Variants in PUM1 observed in about 807,000 individuals in gnomAD.
The protein encoded by PUM1 is pumilio homolog 1.
Under a neutral mutation model 131.8 loss-of-function variants are expected in PUM1, and 13 were observed. That is an observed-to-expected ratio of 0.10 (90% CI 0.06 to 0.16). The LOEUF (loss-of-function observed/expected upper bound fraction) is 0.16. PUM1 is among the 10% of genes least tolerant of loss of function. PUM1 has a pLI of 1.00. For synonymous variants in PUM1, 509 were observed against 556.5 expected (o/e 0.91, Z 1.20); for missense variants, 961 against 1,512.4 (o/e 0.64, Z 6.05).
At chr1:31,052,656 T>C (rs1485734956) in intron 2 of PUM1, among the ~76,000 whole-genome samples, 2 of 151,444 alleles carry the variant, frequency 1.3e-5, no homozygotes, top group African/African-American at 2.4e-5. Flanking sequence ...CAGGAGCCAA[T>C]GTACCCAGCT....
chr1:30,982,781 C>T (rs1255053565), intron 7 of PUM1, among the ~76,000 whole-genome samples: 1 of 152,106 alleles, frequency 6.6e-6, no homozygotes, highest in African/African-American at 2.4e-5. Flanking sequence ...AAACATGAGG[C>T]TAATTTTAGA....
In PUM1 at chr1:30,932,004, C is replaced by T. The variant is rs1295461406; in HGVS notation, c.*1207G>A. The stretch of plus-strand genomic sequence containing the variant: ...ACTTGAGACTAGATGACAAATAAAA[C>T]CAAGCTATTTTTTTCTTTTTAAACA... On this transcript the variant is annotated 3_prime_UTR_variant, in exon 22 of 22. Coordinates refer to ENST00000426105, the MANE Select transcript of PUM1 (RefSeq NM_001020658.2). 6.6e-6 allele frequency: 1 copy of T among 152,460 alleles called. No individual in the cohort carries two copies. Among genetic ancestry groups the T allele is most frequent in the Non-Finnish European group, 1.5e-5 (1 of 67,988 alleles). 9.4% of individuals were successfully genotyped at this position (152,460 alleles called of 1,614,324 possible).
chr1:30,936,274 C>A (rs555776558), intron 21 of PUM1, among the ~76,000 whole-genome samples: 1 of 152,106 alleles, frequency 6.6e-6, no homozygotes, highest in East Asian at 1.9e-4. Context: ...CCAGGCTATG[C>A]ACCATGCTGG....
At chr1:30,941,066 A>G in intron 20 of PUM1, 85 bp downstream of exon 20, 10 of 1,400,562 alleles carry the variant, frequency 7.1e-6, no homozygotes, top group Non-Finnish European at 9.7e-6. Flanking sequence ...AACAACAACA[A>G]CAACATTAAA....
chr1:31,055,448 C>A, intron 2 of PUM1: 1 of 455,860 alleles, frequency 2.2e-6, no homozygotes, highest in Non-Finnish European at 4.4e-6. Context: ...GTGAGAACAA[C>A]ACTAAAACCA....
intron 9 of PUM1, 31 bp from the exon 10 acceptor site, chr1:30,974,833 T>A (rs1302559031): frequency 6.3e-7 from 1 of 1,584,772 alleles, no homozygotes; most frequent in African/African-American, 1.3e-5. Context: ...GTAAAGAAAG[T>A]CTGAACTACT....
intron 14 of PUM1, among the ~76,000 whole-genome samples, chr1:30,958,274 T>C (rs377329579): frequency 6.6e-6 from 1 of 152,258 alleles, no homozygotes; most frequent in African/African-American, 2.4e-5. Context: ...AAATGCTTTT[T>C]AGTTTAGAAC....
intron 10 of PUM1, among the ~76,000 whole-genome samples, chr1:30,971,459 G>T (rs1364664008): frequency 6.6e-6 from 1 of 152,202 alleles, no homozygotes; most frequent in Non-Finnish European, 1.5e-5. Flanking sequence ...AAAAGTTAAT[G>T]ATTATTATGT....
chr1:31,052,170 A>C (rs771042727), intron 2 of PUM1, among the ~76,000 whole-genome samples: 2 of 151,216 alleles, frequency 1.3e-5, no homozygotes, highest in Non-Finnish European at 2.9e-5. Flanking sequence ...CCACCACCAC[A>C]CCCGGCTAAT....
intron 11 of PUM1, among the ~76,000 whole-genome samples, chr1:30,967,838 C>G (rs1051548562): frequency 3.3e-5 from 5 of 152,176 alleles, no homozygotes; most frequent in African/African-American, 1.2e-4. Context: ...TGCAAAGCAC[C>G]AAACCAGCTG....
intron 17 of PUM1, among the ~76,000 whole-genome samples, chr1:30,947,151 A>T (rs936800409): frequency 1.3e-5 from 2 of 152,258 alleles, no homozygotes; most frequent in African/African-American, 2.4e-5. Context: ...CTATAGACCT[A>T]GATTCCCAAC....
chr1:30,969,576 A>G (rs1255313463), intron 10 of PUM1, among the ~76,000 whole-genome samples: 1 of 152,104 alleles, frequency 6.6e-6, no homozygotes, highest in Non-Finnish European at 1.5e-5. Flanking sequence ...AAATTCCACA[A>G]ACATACGCAT....
At position 30,931,973 on chromosome 1, in the gene PUM1, C is replaced by T. The variant is rs778776235; in HGVS notation, c.*1238G>A. 1 of 152,504 alleles carries T rather than the reference C, an allele frequency of 6.6e-6. No individual in the cohort carries two copies. Among genetic ancestry groups the T allele is most frequent in the Non-Finnish European group, 1.5e-5 (1 of 68,012 alleles). The allele number at this position is 152,504 out of a possible 1,614,324, so 9.4% of individuals were successfully genotyped here. A position where few individuals can be genotyped will look rare whatever the true frequency, so the allele number is the denominator to read the frequency against. On this transcript the variant is annotated 3_prime_UTR_variant, in exon 22 of 22. Transcript: ENST00000426105. The stretch of plus-strand genomic sequence containing the variant: ...CTTGAATAACATTTAGAAAGAATCT[C>T]GCTATACTTGAGACTAGATGACAAA...
intron 2 of PUM1, among the ~76,000 whole-genome samples, chr1:31,050,617 A>G (rs192690451): frequency 6.6e-6 from 1 of 152,358 alleles, no homozygotes; most frequent in Admixed American, 6.5e-5. Flanking sequence ...AAGATGGATT[A>G]TTCAGCTTTA....
intron 12 of PUM1, among the ~76,000 whole-genome samples, chr1:30,966,718 TAA>T (rs1640636682): frequency 6.6e-6 from 1 of 152,170 alleles, no homozygotes; most frequent in Non-Finnish European, 1.5e-5. Context: ...TAAATAAATA[TAA>T]ACACTTAAAG....
In PUM1 at chr1:30,957,464, G is replaced by A. The variant is rs527614772; in HGVS notation, c.2324-3483C>T. Among the ~76,000 whole-genome samples, 3 of 152,256 alleles carry A rather than the reference G, an allele frequency of 2.0e-5. No individual in the cohort carries two copies. In the South Asian group the frequency reaches 6.2e-4, roughly 32 times the overall value. On this transcript the variant is annotated intron_variant, in intron 14 of 21. Transcript: ENST00000426105. ...CAAACCACTATAGCTCTGGGGGTTT[G>A]GGTGCAACACTCTGGAAGTGTTTAA...
intron 14 of PUM1, among the ~76,000 whole-genome samples, chr1:30,956,472 C>A (rs1640171280): frequency 1.3e-5 from 2 of 152,110 alleles, no homozygotes. Flanking sequence ...CCATGTTGGC[C>A]AGACTACTCT....
In PUM1 at chr1:30,996,806, T is replaced by C. The variant is rs1291022072; in HGVS notation, c.721-1586A>G. Reference sequence around the variant, plus strand: ...CTAAAGGCAAAAAGATCTTTCAAAATATCCAAAGGCAATAGCTTCCTCCAT... The same window carrying C: ...CTAAAGGCAAAAAGATCTTTCAAAACATCCAAAGGCAATAGCTTCCTCCAT... On this transcript the variant is annotated intron_variant, in intron 5 of 21. Coordinates refer to ENST00000426105, the MANE Select transcript of PUM1 (RefSeq NM_001020658.2). Among the ~76,000 whole-genome samples, 2 of 152,180 alleles carry C rather than the reference T, an allele frequency of 1.3e-5. 1 individual carries two copies. The highest frequency in any genetic ancestry group is 3.9e-4 in the East Asian group (2 of 5,188).
intron 2 of PUM1, among the ~76,000 whole-genome samples, chr1:31,054,428 A>G (rs1644187765): frequency 1.3e-5 from 2 of 151,874 alleles, no homozygotes; most frequent in East Asian, 1.9e-4. Context: ...CCTCCCTCCA[A>G]TGCTACTGGC....
Sources: gnomAD v4.1 joint callset for allele counts (sites outside exome capture counted in the v4.1 genomes callset) on GRCh38, gnomAD v4.1.1 for gene constraint, MANE v1.5 for transcripts, NCBI Gene and HGNC (gene_info 2026-07-23, HGNC 2026-07-21) for gene names.